Variants in PMP22 observed in about 807,000 individuals in gnomAD.
PMP22 encodes peripheral myelin protein 22, also known as Charcot-Marie-Tooth neuropathy 1A (greatly reduced nerve conduction velocity, hereditary motor sensory neuropathy Ia).
PMP22 carries 2 observed loss-of-function variants against 18.9 expected under a neutral mutation model. The observed-to-expected ratio is 0.11, with a 90% CI of 0.04 to 0.33. The LOEUF (loss-of-function observed/expected upper bound fraction) is 0.33. PMP22 is among the 10% of genes least tolerant of loss of function. The probability of loss-of-function intolerance (pLI) is 1.00; values close to 1 mark genes in which losing one functional copy is unlikely to be tolerated. For synonymous variants in PMP22, 95 were observed against 89.2 expected (o/e 1.07, Z -0.37); for missense variants, 169 against 202.2 (o/e 0.84, Z 1.00).
intron 4 of PMP22, among the ~76,000 whole-genome samples, chr17:15,235,537 C>T (rs1265981215): frequency 3.9e-5 from 6 of 152,110 alleles, no homozygotes; most frequent in Non-Finnish European, 8.8e-5. Context: ...AAAGTCCAGA[C>T]GCAGGATCAG....
At chr17:15,239,810 G>A (rs532720849) in intron 3 of PMP22, among the ~76,000 whole-genome samples, 199 bp from the exon 4 acceptor site, 1 of 152,196 alleles carries the variant, frequency 6.6e-6, no homozygotes, top group African/African-American at 2.4e-5. Context: ...GTTTATTTTG[G>A]AGGAAAAAAT....
intron 4 of PMP22, among the ~76,000 whole-genome samples, chr17:15,237,671 C>T (rs1348277950): frequency 6.6e-6 from 1 of 152,220 alleles, no homozygotes; most frequent in Non-Finnish European, 1.5e-5. Flanking sequence ...GTGTAACACT[C>T]AACCGTCCCT....
chr17:15,249,802 TA>T (rs1243623103), intron 3 of PMP22, among the ~76,000 whole-genome samples: 3 of 152,210 alleles, frequency 2.0e-5, no homozygotes, highest in Non-Finnish European at 2.9e-5. Flanking sequence ...TGTGGAGATT[TA>T]AATTCTTTAA....
At chr17:15,240,327 G>C (rs1028292583) in intron 3 of PMP22, among the ~76,000 whole-genome samples, 1 of 151,712 alleles carries the variant, frequency 6.6e-6, no homozygotes, top group Non-Finnish European at 1.5e-5. Context: ...GTAATTTTTT[G>C]GAAGAATGGA....
At chr17:15,260,804 G>C (rs1909264827) in intron 1 of PMP22, 43 bp from the exon 2 acceptor site, 4 of 1,304,330 alleles carry the variant, frequency 3.1e-6, no homozygotes, top group Non-Finnish European at 2.2e-6. Context: ...GCACTGGGCC[G>C]AGCGACGGAG....
chr17:15,237,934 G>C lies in PMP22; in HGVS notation c.319+1537C>G, dbSNP rs1439402351. ...TGGTTCTAAATCCATATTATCTTGA[G>C]GGCATATCCACTGATGCAATGGATA... On this transcript the variant is annotated intron_variant, in intron 4 of 4. Transcript: ENST00000312280. Among the ~76,000 whole-genome samples the C allele has an allele frequency of 2.6e-5, 4 of 151,832 alleles. 1 individual carries two copies. Among genetic ancestry groups the C allele is most frequent in the African/African-American group, 9.7e-5 (4 of 41,300 alleles).
intron 3 of PMP22, among the ~76,000 whole-genome samples, chr17:15,253,211 C>T (rs1908514811): frequency 6.6e-6 from 1 of 152,130 alleles, no homozygotes; most frequent in Non-Finnish European, 1.5e-5. Context: ...TCATTCAAAG[C>T]GACGCCATGG....
At chr17:15,231,202 C>A in intron 4 of PMP22, 122 bp from the exon 5 acceptor site, 1 of 968,868 alleles carries the variant, frequency 1.0e-6, no homozygotes, top group Non-Finnish European at 1.6e-6. Flanking sequence ...GGAAGGAAAT[C>A]TGCTTCCAGG....
chr17:15,255,402 C>T (rs2150701961), intron 3 of PMP22, among the ~76,000 whole-genome samples: 1 of 152,168 alleles, frequency 6.6e-6, no homozygotes, highest in Non-Finnish European at 1.5e-5. Context: ...CTTTCTCCAC[C>T]CTACTGCTTG....
intron 4 of PMP22, chr17:15,235,333 T>G (rs1318409444): frequency 1.3e-5 from 9 of 717,244 alleles, no homozygotes; most frequent in Admixed American, 1.0e-4. Flanking sequence ...AATAGTTTTA[T>G]TCAGGCTCCT....
At chr17:15,248,523 G>C (rs1441364639) in intron 3 of PMP22, among the ~76,000 whole-genome samples, 1 of 152,176 alleles carries the variant, frequency 6.6e-6, no homozygotes, top group Non-Finnish European at 1.5e-5. Flanking sequence ...CTCTGCTAGT[G>C]AGTTTTTGGA....
rs104894624 is a variant in PMP22 at position 15,230,952 on chromosome 17, C to T, written c.448G>A (p.Gly150Ser). The T allele has an allele frequency of 7.4e-6, 12 of 1,614,170 alleles. No homozygotes were observed. Among genetic ancestry groups the T allele is most frequent in the South Asian group, 2.2e-5 (2 of 91,088 alleles). Reference protein sequence around the residue: ...WVAFPLALLSGVIYVILRKRE With the variant: ...WVAFPLALLSSVIYVILRKRE ...TTCCGCAAGATCACATAGATGACAC[C>T]GCTGAGAAGGGCCAGGGGGAAGGCC... Residue 150 changes from glycine (G) to serine (S), a missense_variant, in exon 5 of 5, where the codon GGT (glycine) becomes AGT (serine). Gly to Ser is a moderately conservative substitution (Grantham distance 56, BLOSUM62 0). Coordinates refer to ENST00000312280, the MANE Select transcript of PMP22 (RefSeq NM_000304.4).
intron 2 of PMP22, 140 bp from the exon 3 acceptor site, chr17:15,259,333 A>C (rs1909110347): frequency 1.4e-6 from 1 of 713,332 alleles, no homozygotes; most frequent in Non-Finnish European, 2.6e-6. Flanking sequence ...GTAAGAGCCA[A>C]CGTTTTATGA....
intron 4 of PMP22, among the ~76,000 whole-genome samples, chr17:15,231,402 G>T (rs969522839): frequency 3.3e-5 from 5 of 152,176 alleles, no homozygotes; most frequent in Non-Finnish European, 7.3e-5. Context: ...CAGGCTGCAA[G>T]AAAAACCTAC....
chr17:15,243,725 T>A (rs1907548176), intron 3 of PMP22, among the ~76,000 whole-genome samples: 1 of 148,192 alleles, frequency 6.7e-6, no homozygotes, highest in Admixed American at 6.8e-5. Context: ...GTATGATATA[T>A]AATTATATAA....
intron 3 of PMP22, among the ~76,000 whole-genome samples, chr17:15,250,240 T>C (rs753203947): frequency 2.0e-5 from 3 of 152,078 alleles, no homozygotes; most frequent in Admixed American, 6.5e-5. Flanking sequence ...TAAGTGACAA[T>C]ATCTCCTGGC....
intron 1 of PMP22, 109 bp from the exon 2 acceptor site, chr17:15,260,870 C>T (rs1049314142): frequency 2.6e-6 from 2 of 773,846 alleles, no homozygotes; most frequent in Non-Finnish European, 4.2e-6. Flanking sequence ...TGGCCCAGCG[C>T]CCGCAGCCCG....
rs1334567187 is a variant in PMP22 at position 15,258,602 on chromosome 17, A to C, written c.178+492T>G. The C allele has an allele frequency of 4.7e-6, 1 of 213,076 alleles. No homozygotes were observed. The highest frequency in any genetic ancestry group is 1.0e-4 in the East Asian group (1 of 9,738). 13.2% of individuals were successfully genotyped at this position (213,076 alleles called of 1,614,324 possible). On this transcript the variant is annotated intron_variant, in intron 3 of 4. Transcript: ENST00000312280. This position sits in a 1 kb window ranked among gnomAD's most constrained non-coding sequence, Gnocchi z 4.1. ...AAAGGTTTTGATGCTAGGTGGCATC[A>C]CTGAGGCCCAAGACCTGGAAAGGCA...
At chr17:15,231,271 T>G (rs1457640261) in intron 4 of PMP22, among the ~76,000 whole-genome samples, 191 bp from the exon 5 acceptor site, 2 of 152,224 alleles carry the variant, frequency 1.3e-5, no homozygotes, top group Non-Finnish European at 2.9e-5. Flanking sequence ...ACTTGCTCTC[T>G]ATTTCCAATC....
Sources: gnomAD v4.1 joint callset for allele counts (sites outside exome capture counted in the v4.1 genomes callset) on GRCh38, gnomAD v4.1.1 for gene constraint, Gnocchi (gnomAD v3.1) non-coding constraint, MANE v1.5 for transcripts, NCBI Gene and HGNC (gene_info 2026-07-23, HGNC 2026-07-21) for gene names.